Variants in LRRC4C observed in about 807,000 individuals in gnomAD.
LRRC4C encodes the protein leucine rich repeat containing 4C.
LRRC4C carries 5 observed loss-of-function variants against 33.6 expected under a neutral mutation model. That is an observed-to-expected ratio of 0.15 (90% CI 0.08 to 0.31). The LOEUF is 0.31. Among genes scored for constraint, LRRC4C ranks in the 10% least tolerant of loss-of-function variants. The pLI is 1.00. For synonymous variants in LRRC4C, 329 were observed against 302.0 expected (o/e 1.09, Z -0.93); for missense variants, 560 against 796.7 (o/e 0.70, Z 3.58).
chr11:40,399,281 C>T (rs1949665959), intron 3 of LRRC4C, among the ~76,000 whole-genome samples: 1 of 152,060 alleles, frequency 6.6e-6, no homozygotes, highest in Admixed American at 6.6e-5. Flanking sequence ...TGGGAACCAA[C>T]CCAAATGTCC....
At chr11:40,892,406 C>G (rs1254362599) in intron 2 of LRRC4C, among the ~76,000 whole-genome samples, 2 of 152,036 alleles carry the variant, frequency 1.3e-5, no homozygotes, top group South Asian at 4.2e-4. Flanking sequence ...ACTAGAACCA[C>G]CATATGACCC....
intron 3 of LRRC4C, among the ~76,000 whole-genome samples, chr11:40,449,555 T>C (rs1446109669): frequency 6.6e-6 from 1 of 152,132 alleles, no homozygotes; most frequent in Non-Finnish European, 1.5e-5. Context: ...CCCCCAAAGT[T>C]AAGGAAATTG....
At chr11:40,158,096 A>G (rs1858854569) in intron 5 of LRRC4C, among the ~76,000 whole-genome samples, 1 of 152,190 alleles carries the variant, frequency 6.6e-6, no homozygotes, top group African/African-American at 2.4e-5. Flanking sequence ...AAAAGGAATG[A>G]ATTAACAGTA....
intron 2 of LRRC4C, among the ~76,000 whole-genome samples, chr11:40,766,217 G>C (rs560569490): frequency 6.6e-6 from 1 of 151,106 alleles, no homozygotes; most frequent in Non-Finnish European, 1.5e-5. Flanking sequence ...TTTTATCCCA[G>C]AATAGTATAT....
At chr11:40,789,093 G>GAAAAAAAAAAAAAAAAAAA in intron 2 of LRRC4C, among the ~76,000 whole-genome samples, 1 of 63,524 alleles carries the variant, frequency 1.6e-5, no homozygotes, top group Non-Finnish European at 2.8e-5. Context: ...TCCGTCTCGG[G>GAAAAAAAAAAAAAAAAAAA]AAAAAAAAAA....
intron 3 of LRRC4C, among the ~76,000 whole-genome samples, chr11:40,624,370 G>T (rs1962739109): frequency 6.6e-6 from 1 of 152,056 alleles, no homozygotes; most frequent in South Asian, 2.1e-4. Context: ...AAAATCAGAT[G>T]AGGAATAAAG....
At chr11:40,240,268 C>T (rs1865844408) in intron 5 of LRRC4C, among the ~76,000 whole-genome samples, 1 of 152,166 alleles carries the variant, frequency 6.6e-6, no homozygotes, top group South Asian at 2.1e-4. Context: ...CTTTCATTCA[C>T]ATTATATCAT....
At chr11:40,732,906 CA>C (rs1361636833) in intron 2 of LRRC4C, among the ~76,000 whole-genome samples, 1 of 151,896 alleles carries the variant, frequency 6.6e-6, no homozygotes, top group African/African-American at 2.4e-5. Context: ...ATTCTTAACC[CA>C]TTTAACTCTT....
chr11:40,517,792 C>T (rs1454033099), intron 3 of LRRC4C, among the ~76,000 whole-genome samples: 9 of 149,468 alleles, frequency 6.0e-5, no homozygotes, highest in Non-Finnish European at 1.2e-4. Context: ...AAAAAGAGCC[C>T]GCAGAGCCCA....
rs34632647 is a variant in LRRC4C at position 41,232,747 on chromosome 11, GACACAC to G, written c.-496+226678_-496+226683del. Among the ~76,000 whole-genome samples the G allele has an allele frequency of 9.0e-3, 1,294 of 143,624 alleles. 16 individuals are homozygous for G. Among genetic ancestry groups the G allele is most frequent in the African/African-American group, 0.029 (1,125 of 39,088 alleles). The allele number at this position is 143,624 out of a possible 152,430, so 94.2% of individuals were successfully genotyped here. ...TAATATTACATACATGTGTTATCAA[GACACAC>G]ACACACACACACACACACACACACA... is the stretch of plus-strand genomic sequence containing the variant. On this transcript the variant is annotated intron_variant, in intron 1 of 6. Coordinates refer to ENST00000528697, the MANE Select transcript of LRRC4C (RefSeq NM_001258419.2).
At chr11:40,793,001 G>A (rs1950687524) in intron 2 of LRRC4C, among the ~76,000 whole-genome samples, 1 of 152,044 alleles carries the variant, frequency 6.6e-6, no homozygotes, top group African/African-American at 2.4e-5. Flanking sequence ...GTCGGGGGAT[G>A]GGGGAAGGAT....
chr11:40,497,982 A>T (rs1205560568), intron 3 of LRRC4C, among the ~76,000 whole-genome samples: 1 of 152,210 alleles, frequency 6.6e-6, no homozygotes, highest in Non-Finnish European at 1.5e-5. Flanking sequence ...CCTTTAATGA[A>T]ATTGTACTAC....
intron 3 of LRRC4C, among the ~76,000 whole-genome samples, chr11:40,328,180 A>G (rs1946187069): frequency 1.3e-5 from 2 of 152,188 alleles, no homozygotes; most frequent in African/African-American, 4.8e-5. Context: ...GAAGGGTTGG[A>G]AAGATAGTTC....
chr11:40,944,414 AAC>A (rs1483268528), intron 1 of LRRC4C, among the ~76,000 whole-genome samples: 14 of 152,190 alleles, frequency 9.2e-5, no homozygotes, highest in Admixed American at 3.3e-4. Flanking sequence ...AGACTTGCAA[AAC>A]ACAGATACAT....
At chr11:40,859,632 GA>G (rs1410427544) in intron 2 of LRRC4C, among the ~76,000 whole-genome samples, 1 of 151,720 alleles carries the variant, frequency 6.6e-6, no homozygotes, top group Non-Finnish European at 1.5e-5. Context: ...CAAAAAAAGA[GA>G]AAAAAAATTT....
intron 2 of LRRC4C, among the ~76,000 whole-genome samples, chr11:40,756,045 G>A (rs1390327188): frequency 6.6e-6 from 1 of 151,896 alleles, no homozygotes; most frequent in Non-Finnish European, 1.5e-5. Context: ...AAAACAACAG[G>A]CATGCAAGTG....
chr11:41,328,425 GT>G (rs758281704), intron 1 of LRRC4C, among the ~76,000 whole-genome samples: 2 of 152,102 alleles, frequency 1.3e-5, no homozygotes, highest in Non-Finnish European at 2.9e-5. Flanking sequence ...GTGTATATGT[GT>G]GTGTGTGCGT....
intron 1 of LRRC4C, among the ~76,000 whole-genome samples, chr11:41,269,818 C>T (rs1253854523): frequency 6.6e-6 from 1 of 152,060 alleles, no homozygotes; most frequent in African/African-American, 2.4e-5. Flanking sequence ...CTTTAGCATC[C>T]AAACTTTAAA....
At chr11:40,597,370 C>G (rs1039656098) in intron 3 of LRRC4C, among the ~76,000 whole-genome samples, 1 of 152,098 alleles carries the variant, frequency 6.6e-6, no homozygotes, top group Non-Finnish European at 1.5e-5. Context: ...ACTCTAAATA[C>G]TTTGTGTTAC....
Sources: allele counts gnomAD v4.1 joint callset (sites outside exome capture counted in the v4.1 genomes callset), GRCh38; gene constraint gnomAD v4.1.1; transcripts MANE v1.5; gene names NCBI Gene and HGNC (gene_info 2026-07-23, HGNC 2026-07-21).